The following STAC variants were observed in gnomAD, a reference collection of about 807,000 sequenced individuals.
STAC encodes SH3 and cysteine-rich domain-containing protein.
In STAC, 43 loss-of-function variants were observed where a neutral mutation model predicts 48.8. That is an observed-to-expected ratio of 0.88 (90% CI 0.69 to 1.14). The LOEUF is 1.14. STAC is among the 50% of genes most tolerant of loss of function. The pLI, the probability that STAC is intolerant of heterozygous loss-of-function variation, is 0.00. For missense variants in STAC, 497 were observed against 504.0 expected (o/e 0.99, Z 0.13); for synonymous variants, 193 against 179.5 (o/e 1.07, Z -0.60).
At chr3:36,393,978 C>T (rs867909087) in intron 1 of STAC, among the ~76,000 whole-genome samples, 2 of 151,456 alleles carry the variant, frequency 1.3e-5, no homozygotes, top group Admixed American at 6.6e-5. Context: ...AAGAAGCTGG[C>T]GGTGGGGGAG....
chr3:36,405,121 C>T (rs1575178275), intron 1 of STAC, among the ~76,000 whole-genome samples: 1 of 152,280 alleles, frequency 6.6e-6, no homozygotes, highest in South Asian at 2.1e-4. Flanking sequence ...ATCCCTGTGC[C>T]AGCAGGGTCG....
intron 1 of STAC, among the ~76,000 whole-genome samples, chr3:36,416,297 A>G (rs1030938236): frequency 1.3e-5 from 2 of 152,136 alleles, no homozygotes; most frequent in African/African-American, 4.8e-5. Flanking sequence ...ATAGTGAGAC[A>G]TGGTATCTCC....
At chr3:36,487,034 A>C (rs927040898) in intron 5 of STAC, among the ~76,000 whole-genome samples, 1 of 152,204 alleles carries the variant, frequency 6.6e-6, no homozygotes, top group Non-Finnish European at 1.5e-5. Flanking sequence ...GCTTCTAGGC[A>C]AGACACAGAT....
chr3:36,403,084 T>G (rs1316023272), intron 1 of STAC, among the ~76,000 whole-genome samples: 1 of 152,250 alleles, frequency 6.6e-6, no homozygotes, highest in Non-Finnish European at 1.5e-5. Flanking sequence ...AGAAGTATTG[T>G]GACCATTTCA....
At chr3:36,388,462 A>G (rs1033530729) in intron 1 of STAC, among the ~76,000 whole-genome samples, 4 of 152,120 alleles carry the variant, frequency 2.6e-5, no homozygotes, top group Middle Eastern at 3.4e-3. Flanking sequence ...TACATTTTCA[A>G]TGTAGAAGTT....
At chr3:36,433,200 T>A (rs1700747016) in intron 1 of STAC, among the ~76,000 whole-genome samples, 1 of 152,070 alleles carries the variant, frequency 6.6e-6, no homozygotes. Flanking sequence ...ATACACCGAA[T>A]GAGACACAGA....
At chr3:36,535,634 G>A (rs1286512319) in intron 10 of STAC, among the ~76,000 whole-genome samples, 3 of 152,132 alleles carry the variant, frequency 2.0e-5, no homozygotes, top group African/African-American at 7.2e-5. Context: ...TTATTTTGAG[G>A]TACGTTCCTT....
intron 2 of STAC, among the ~76,000 whole-genome samples, chr3:36,447,849 G>A (rs995568955): frequency 3.3e-5 from 5 of 152,158 alleles, no homozygotes; most frequent in African/African-American, 1.2e-4. Flanking sequence ...TTTAATTGAA[G>A]TTGTTTTAGG....
chr3:36,473,172 A>G (rs1428814586), intron 2 of STAC, among the ~76,000 whole-genome samples: 3 of 152,214 alleles, frequency 2.0e-5, no homozygotes, highest in Non-Finnish European at 4.4e-5. Context: ...CATGAGACTT[A>G]TTCACTATCA....
chr3:36,498,869 T>G (rs1465390958), intron 6 of STAC, among the ~76,000 whole-genome samples: 1 of 152,184 alleles, frequency 6.6e-6, no homozygotes, highest in African/African-American at 2.4e-5. Context: ...AATCTATACC[T>G]AGACGTAGGT....
chr3:36,434,314 G>A (rs547784996), intron 1 of STAC, among the ~76,000 whole-genome samples: 2 of 152,290 alleles, frequency 1.3e-5, no homozygotes, highest in Non-Finnish European at 2.9e-5. Flanking sequence ...TCAGAAAAAC[G>A]AAAATAGTGA....
At chr3:36,470,529 G>T (rs946556256) in intron 2 of STAC, among the ~76,000 whole-genome samples, 1 of 152,250 alleles carries the variant, frequency 6.6e-6, no homozygotes, top group Non-Finnish European at 1.5e-5. Flanking sequence ...CACTGGTTTT[G>T]TGTTGGTTGG....
intron 10 of STAC, among the ~76,000 whole-genome samples, chr3:36,532,608 T>C (rs1314662306): frequency 6.6e-6 from 1 of 152,094 alleles, no homozygotes; most frequent in Non-Finnish European, 1.5e-5. Flanking sequence ...AGCAGTGGCA[T>C]CCAAAGATTC....
At chr3:36,447,145 C>A (rs1028243101) in intron 2 of STAC, among the ~76,000 whole-genome samples, 6 of 152,094 alleles carry the variant, frequency 3.9e-5, no homozygotes, top group African/African-American at 1.4e-4. Context: ...TACCTTCAGA[C>A]AAAGGACTAG....
chr3:36,452,398 T>G (rs1253544820), intron 2 of STAC, among the ~76,000 whole-genome samples: 1 of 152,172 alleles, frequency 6.6e-6, no homozygotes, highest in Non-Finnish European at 1.5e-5. Context: ...AGACAGGTTG[T>G]GTAATGCAGT....
chr3:36,468,756 G>A (rs2125689657), intron 2 of STAC, among the ~76,000 whole-genome samples: 1 of 145,242 alleles, frequency 6.9e-6, no homozygotes, highest in East Asian at 2.0e-4. Flanking sequence ...ATATATGTGT[G>A]TGTGTGTGTG....
intron 1 of STAC, among the ~76,000 whole-genome samples, chr3:36,395,942 A>C (rs1699850409): frequency 6.6e-6 from 1 of 152,168 alleles, no homozygotes; most frequent in South Asian, 2.1e-4. Context: ...TAAAAAAAAA[A>C]AACAAAGGTG....
chr3:36,533,475 GTTTTTTT>G (rs58981589), intron 10 of STAC, among the ~76,000 whole-genome samples: 1,450 of 61,452 alleles, frequency 0.024, 15 homozygotes, highest in African/African-American at 0.043. Context: ...TTGCTAGCAT[GTTTTTTT>G]TTTTTTTTTT....
intron 5 of STAC, among the ~76,000 whole-genome samples, chr3:36,490,720 C>T (rs1697946043): frequency 6.6e-6 from 1 of 152,158 alleles, no homozygotes. Flanking sequence ...AGGCAATGAA[C>T]ATGTCAGCCT....
Sources: allele counts gnomAD v4.1 joint callset (sites outside exome capture counted in the v4.1 genomes callset), GRCh38; gene constraint gnomAD v4.1.1; transcripts MANE v1.5; gene names NCBI Gene and HGNC (gene_info 2026-07-23, HGNC 2026-07-21).